CCDC150: variants seen among roughly 807,000 people sequenced by gnomAD.
CCDC150 encodes the protein coiled-coil domain containing 150, also known as coiled-coil domain-containing protein 150.
A neutral mutation model predicts 156.5 loss-of-function variants in CCDC150; 151 were observed. The observed-to-expected ratio is 0.97, with a 90% confidence interval of 0.85 to 1.10. The LOEUF is 1.10. Among genes scored for constraint, CCDC150 ranks in the 50% least tolerant of loss-of-function variants. The pLI, the probability that CCDC150 is intolerant of heterozygous loss-of-function variation, is 0.00. For synonymous variants in CCDC150, 452 were observed against 429.4 expected, an observed-to-expected ratio of 1.05 and a Z score of -0.65; for missense variants, 1,312 against 1,268.1, an observed-to-expected ratio of 1.03 and a Z score of -0.53.
chr2:196,712,435 T>C, intron 16 of CCDC150, 183 bp downstream of exon 16: 1 of 570,666 alleles, frequency 1.8e-6, no homozygotes, highest in Non-Finnish European at 3.1e-6. Context: ...GCCTCAGAAA[T>C]TGTAAAGATA....
intron 14 of CCDC150, among the ~76,000 whole-genome samples, chr2:196,700,606 T>A (rs1372181124): frequency 6.6e-6 from 1 of 152,226 alleles, no homozygotes; most frequent in Non-Finnish European, 1.5e-5. Context: ...CAGATAATAC[T>A]GTGTTGAGTA....
chr2:196,690,126 C>CA (rs1312713837), intron 13 of CCDC150, among the ~76,000 whole-genome samples: 1 of 147,142 alleles, frequency 6.8e-6, no homozygotes, highest in Admixed American at 6.9e-5. Flanking sequence ...ATCGCAAGAA[C>CA]AAAAAACCAA....
Position 196,732,427 on chromosome 2 carries a change from T to A in CCDC150, c.3190-19T>A. On this transcript the variant is annotated intron_variant, in intron 27 of 27. Transcript: ENST00000389175. ...TTAGCTCTGAACAGTCAGTGTTAGG[T>A]GTGTTTTCTTTCCAACAGGACCAAG... 6.4e-7 allele frequency: 1 copy of A among 1,554,940 alleles called. No individual in the cohort carries two copies. Among genetic ancestry groups the A allele is most frequent in the South Asian group, 1.1e-5 (1 of 89,856 alleles).
intron 5 of CCDC150, 98 bp downstream of exon 5, chr2:196,658,958 AT>A: frequency 1.2e-6 from 1 of 805,760 alleles, no homozygotes; most frequent in Non-Finnish European, 2.0e-6. Context: ...AGAAGAAAAT[AT>A]GTGACTATGT....
chr2:196,678,675 G>A (rs1230484002), intron 13 of CCDC150, among the ~76,000 whole-genome samples: 1 of 152,106 alleles, frequency 6.6e-6, no homozygotes, highest in Non-Finnish European at 1.5e-5. Flanking sequence ...GGCTGAGGCA[G>A]GCAGATCACT....
intron 6 of CCDC150, among the ~76,000 whole-genome samples, chr2:196,665,990 C>T (rs1195974479): frequency 6.6e-6 from 1 of 151,970 alleles, no homozygotes; most frequent in Non-Finnish European, 1.5e-5. Flanking sequence ...AGTATTTTTC[C>T]CTTATACCAT....
chr2:196,655,906 C>G (rs1693158796), intron 2 of CCDC150, among the ~76,000 whole-genome samples: 1 of 152,074 alleles, frequency 6.6e-6, no homozygotes, highest in African/African-American at 2.4e-5. Context: ...GGCTGCCAAG[C>G]TCCCGTTCAG....
At chr2:196,691,816 C>A (rs928132552) in intron 13 of CCDC150, among the ~76,000 whole-genome samples, 1 of 152,094 alleles carries the variant, frequency 6.6e-6, no homozygotes, top group African/African-American at 2.4e-5. Context: ...TGGCATGGGC[C>A]TGTAGTCCCA....
chr2:196,667,955 A>C (rs576081435), intron 7 of CCDC150: 1 of 152,170 alleles, frequency 6.6e-6, no homozygotes, highest in African/African-American at 2.4e-5. Context: ...GTCTCATTTG[A>C]GCACTGCAAC....
chr2:196,702,835 C>T (rs897351410), intron 15 of CCDC150, among the ~76,000 whole-genome samples: 4 of 152,060 alleles, frequency 2.6e-5, no homozygotes, highest in Admixed American at 2.6e-4. Context: ...TTATTTGGCT[C>T]ATGATTCTGG....
At chr2:196,651,799 A>C (rs1692892384) in intron 2 of CCDC150, among the ~76,000 whole-genome samples, 1 of 152,210 alleles carries the variant, frequency 6.6e-6, no homozygotes, top group Non-Finnish European at 1.5e-5. Context: ...TAATTTATAA[A>C]GAAAAGAGAT....
chr2:196,724,277 C>G (rs1698086235), intron 21 of CCDC150, among the ~76,000 whole-genome samples: 1 of 147,554 alleles, frequency 6.8e-6, no homozygotes, highest in Admixed American at 6.7e-5. Context: ...GTTCTTACCT[C>G]AGTAAAAAGA....
intron 7 of CCDC150, among the ~76,000 whole-genome samples, chr2:196,669,544 C>G (rs1033003657): frequency 3.9e-5 from 6 of 152,140 alleles, no homozygotes; most frequent in African/African-American, 1.4e-4. Flanking sequence ...AAATTCATCT[C>G]CTTGCCTTTA....
chr2:196,647,674 A>C (rs1321211556), intron 2 of CCDC150, among the ~76,000 whole-genome samples: 6 of 152,154 alleles, frequency 3.9e-5, no homozygotes, highest in Non-Finnish European at 7.4e-5. Context: ...ATGTGACGCT[A>C]TGATGCATGC....
chr2:196,685,959 C>T (rs1337325362), intron 13 of CCDC150, among the ~76,000 whole-genome samples: 6 of 152,100 alleles, frequency 3.9e-5, no homozygotes, highest in Non-Finnish European at 7.4e-5. Context: ...CATCCCACTG[C>T]CTTCTGGCCT....
chr2:196,732,549 T>A lies in CCDC150; in HGVS notation c.3293T>A (p.Val1098Glu). 1 of 1,609,154 alleles carries A rather than the reference T, an allele frequency of 6.2e-7. No individual in the cohort carries two copies. The highest frequency in any genetic ancestry group is 1.1e-5 in the South Asian group (1 of 90,986). The change falls in exon 28 of 28, where the codon GTA (valine) becomes GAA (glutamate). Residue 1098 changes from valine (V) to glutamate (E), a missense_variant. Coordinates refer to ENST00000389175, the MANE Select transcript of CCDC150 (RefSeq NM_001080539.2). ...ATGCCCAAGAAGTATCATTCTGAGG[T>A]ACAGAGGAAGTGATGTCCTTGACAA... ...RPMPKKYHSEVQRK is the reference protein window; with the variant it reads ...RPMPKKYHSEEQRK
chr2:196,657,944 C>T (rs1450622455), intron 4 of CCDC150, among the ~76,000 whole-genome samples: 1 of 152,068 alleles, frequency 6.6e-6, no homozygotes, highest in African/African-American at 2.4e-5. Flanking sequence ...ATAAACTAGC[C>T]TTACAAGAGT....
At chr2:196,680,677 G>T (rs995758868) in intron 13 of CCDC150, among the ~76,000 whole-genome samples, 3 of 152,126 alleles carry the variant, frequency 2.0e-5, no homozygotes, top group Non-Finnish European at 4.4e-5. Flanking sequence ...ATGATTCTGT[G>T]AGCATTCGTA....
At chr2:196,729,674 C>T in intron 23 of CCDC150, 119 bp from the exon 24 acceptor site, 1 of 746,226 alleles carries the variant, frequency 1.3e-6, no homozygotes, top group East Asian at 2.7e-5. Flanking sequence ...AAAGAAAGCT[C>T]AGCAGGAACT....
Sources: allele counts gnomAD v4.1 joint callset (sites outside exome capture counted in the v4.1 genomes callset), GRCh38; gene constraint gnomAD v4.1.1; transcripts MANE v1.5; gene names NCBI Gene and HGNC (gene_info 2026-07-23, HGNC 2026-07-21).